The following ATRN variants were observed in gnomAD, a reference collection of about 807,000 sequenced individuals.
The protein encoded by ATRN is attractin-2.
ATRN carries 54 observed loss-of-function variants against 178.7 expected under a neutral mutation model. That is an observed-to-expected ratio of 0.30 (90% CI 0.24 to 0.38). The LOEUF (loss-of-function observed/expected upper bound fraction) is 0.38, where lower values mean the gene tolerates loss of function less well. Ranked by LOEUF, ATRN falls within the 10% of genes least tolerant of loss-of-function variation. The pLI, the probability that ATRN is intolerant of heterozygous loss-of-function variation, is 1.00. For synonymous variants in ATRN, 636 were observed against 663.0 expected, an observed-to-expected ratio of 0.96 and a Z score of 0.63; for missense variants, 1,443 against 1,815.1, an observed-to-expected ratio of 0.79 and a Z score of 3.73.
chr20:3,564,835 G>A (rs984589839), intron 10 of ATRN, among the ~76,000 whole-genome samples: 1 of 152,176 alleles, frequency 6.6e-6, no homozygotes, highest in Admixed American at 6.5e-5. Context: ...GGAGGCCCAG[G>A]TGGGCAGATC....
In ATRN at chr20:3,471,093, C is replaced by T. The variant is rs780544074; in HGVS notation, c.-15C>T. 2.7e-6 allele frequency: 4 copies of T among 1,508,090 alleles called. No homozygotes were observed. Among genetic ancestry groups the T allele is most frequent in the Non-Finnish European group, 3.5e-6 (4 of 1,135,086 alleles). 93.4% of individuals were successfully genotyped at this position (1,508,090 alleles called of 1,614,324 possible). A position where few individuals can be genotyped will look rare whatever the true frequency, so the allele number is the denominator to read the frequency against. ...TGTGTATGTGTTCGCGGGGCGCCGT[C>T]TCAGCCCCGGGAAGATGGTGGCTGC... On this transcript the variant is annotated 5_prime_UTR_variant, in exon 1 of 29. Coordinates refer to ENST00000262919, the MANE Select transcript of ATRN (RefSeq NM_139321.3).
At chr20:3,517,229 A>T (rs1301342409) in intron 1 of ATRN, among the ~76,000 whole-genome samples, 1 of 152,234 alleles carries the variant, frequency 6.6e-6, no homozygotes, top group Non-Finnish European at 1.5e-5. Context: ...GAAAAAGATT[A>T]ATAGCACGAG....
intron 11 of ATRN, among the ~76,000 whole-genome samples, chr20:3,566,288 A>C (rs2146231122): frequency 1.3e-5 from 2 of 152,276 alleles, no homozygotes; most frequent in East Asian, 3.9e-4. Flanking sequence ...GCCTGGCCCA[A>C]ACTACCAGAG....
At chr20:3,487,652 T>C (rs2084714344) in intron 1 of ATRN, among the ~76,000 whole-genome samples, 4 of 152,228 alleles carry the variant, frequency 2.6e-5, no homozygotes, top group African/African-American at 7.2e-5. Context: ...AATGGACATA[T>C]GTCTCTAGAG....
chr20:3,533,586 T>C (rs1285638241), intron 1 of ATRN, among the ~76,000 whole-genome samples: 1 of 152,152 alleles, frequency 6.6e-6, no homozygotes, highest in Non-Finnish European at 1.5e-5. Flanking sequence ...GCCGCTATCT[T>C]GGATTATGAG....
chr20:3,554,535 C>T (rs1242179256), intron 6 of ATRN, among the ~76,000 whole-genome samples: 1 of 151,798 alleles, frequency 6.6e-6, no homozygotes, highest in African/African-American at 2.4e-5. Flanking sequence ...TGGGTTTCAC[C>T]ATGTTAGCCA....
chr20:3,582,117 T>C lies in ATRN; in HGVS notation c.2545-18T>C, dbSNP rs1389114095. 1 of 1,593,604 alleles carries C rather than the reference T, an allele frequency of 6.3e-7. No homozygotes were observed. Among genetic ancestry groups the C allele is most frequent in the East Asian group, 2.2e-5 (1 of 44,762 alleles). On this transcript the variant is annotated intron_variant, in intron 15 of 28. Coordinates refer to ENST00000262919, the MANE Select transcript of ATRN (RefSeq NM_139321.3). ...AAGATACTATCTGTATTCATAGTTG[T>C]GTCTCTTTTGCCTTTAGTCCAAGCT...
At chr20:3,613,082 ATTTTCTTCCTGG>A (rs1237760973) in intron 24 of ATRN, among the ~76,000 whole-genome samples, 1 of 152,144 alleles carries the variant, frequency 6.6e-6, no homozygotes, top group African/African-American at 2.4e-5. Context: ...GGAGATGTTG[ATTTTCTTCCTGG>A]TTTTCTGGTG....
At chr20:3,606,322 G>A (rs547916880) in intron 24 of ATRN, among the ~76,000 whole-genome samples, 3 of 152,170 alleles carry the variant, frequency 2.0e-5, no homozygotes, top group African/African-American at 7.2e-5. Context: ...CATCTTTCTT[G>A]TCTTCCTGGA....
chr20:3,602,796 C>A (rs942763831), intron 23 of ATRN, among the ~76,000 whole-genome samples: 6 of 151,070 alleles, frequency 4.0e-5, no homozygotes, highest in African/African-American at 1.2e-4. Flanking sequence ...AAATCCCGTC[C>A]CTACTAAAAA....
chr20:3,552,007 A>T (rs2085794206), intron 6 of ATRN, among the ~76,000 whole-genome samples: 1 of 152,076 alleles, frequency 6.6e-6, no homozygotes. Context: ...TTCCATTCTT[A>T]GTTCTTATCT....
chr20:3,582,104 G>T (rs1368125722), intron 15 of ATRN, 31 bp from the exon 16 acceptor site: 1 of 1,560,870 alleles, frequency 6.4e-7, no homozygotes, highest in African/African-American at 1.4e-5. Context: ...GATACTATCT[G>T]TATTCATAGT....
In ATRN at chr20:3,606,108, C is replaced by T. The variant is rs111988247; in HGVS notation, c.3801+1846C>T. ...TCTCATCAGCTTCTCCCTTTGCCCT[C>T]GCATACTCCCTGTGTCCCTCCTCAG... On this transcript the variant is annotated intron_variant, in intron 24 of 28. Coordinates refer to ENST00000262919, the MANE Select transcript of ATRN (RefSeq NM_139321.3). Among the ~76,000 whole-genome samples, 564 of 152,226 alleles carry T rather than the reference C, an allele frequency of 3.7e-3. 4 individuals are homozygous for T. Among genetic ancestry groups the T allele is most frequent in the Non-Finnish European group, 2.9e-3 (195 of 68,018 alleles).
intron 21 of ATRN, among the ~76,000 whole-genome samples, chr20:3,596,642 GTCCA>G (rs1275743047): frequency 6.6e-6 from 1 of 152,180 alleles, no homozygotes; most frequent in Non-Finnish European, 1.5e-5. Flanking sequence ...ACGTTAATGT[GTCCA>G]TAGCAGATAG....
At chr20:3,584,496 T>C in intron 17 of ATRN, 151 bp from the exon 18 acceptor site, 1 of 664,800 alleles carries the variant, frequency 1.5e-6, no homozygotes. Context: ...GGCAAAATAC[T>C]GGGCTCTTTA....
intron 1 of ATRN, among the ~76,000 whole-genome samples, chr20:3,505,835 GAT>G (rs2085035977): frequency 1.3e-5 from 2 of 152,214 alleles, no homozygotes; most frequent in South Asian, 4.1e-4. Flanking sequence ...ATTAATATTT[GAT>G]AAATTAGACT....
intron 20 of ATRN, 148 bp from the exon 21 acceptor site, chr20:3,596,229 T>C: frequency 1.3e-6 from 1 of 770,546 alleles, no homozygotes; most frequent in Non-Finnish European, 2.1e-6. Flanking sequence ...ATGCTCTTCC[T>C]AGACTGCCTG....
At chr20:3,611,479 C>T (rs1037620754) in intron 24 of ATRN, among the ~76,000 whole-genome samples, 1 of 152,176 alleles carries the variant, frequency 6.6e-6, no homozygotes, top group African/African-American at 2.4e-5. Flanking sequence ...TGGTTCACAC[C>T]TGAAATCCCA....
At chr20:3,598,035 A>C (rs776328578) in intron 22 of ATRN, 35 bp downstream of exon 22, 2 of 1,370,710 alleles carry the variant, frequency 1.5e-6, no homozygotes, top group Admixed American at 3.4e-5. Context: ...TTTTGTTTTG[A>C]ATTTGTATGG....
Sources: allele counts gnomAD v4.1 joint callset (sites outside exome capture counted in the v4.1 genomes callset), GRCh38; gene constraint gnomAD v4.1.1; transcripts MANE v1.5; gene names NCBI Gene and HGNC (gene_info 2026-07-23, HGNC 2026-07-21).